FRMPD4: variants seen among roughly 807,000 people sequenced by gnomAD.
FRMPD4 encodes the protein FERM and PDZ domain containing 4.
In FRMPD4, 22 loss-of-function variants were observed where a neutral mutation model predicts 94.1. That is an observed-to-expected ratio of 0.23 (90% confidence interval 0.17 to 0.33). The LOEUF (loss-of-function observed/expected upper bound fraction) is 0.33, where lower values mean the gene tolerates loss of function less well. Ranked by LOEUF, FRMPD4 falls within the 10% of genes least tolerant of loss-of-function variation. The pLI, the probability that FRMPD4 is intolerant of heterozygous loss-of-function variation, is 1.00. For missense variants in FRMPD4, 1,111 were observed against 1,339.9 expected, an observed-to-expected ratio of 0.83 and a Z score of 2.67; for synonymous variants, 631 against 548.6, an observed-to-expected ratio of 1.15 and a Z score of -2.10.
intron 3 of FRMPD4, among the ~76,000 whole-genome samples, chrX:11,892,284 C>T (rs752858110): frequency 2.4e-4 from 27 of 112,175 alleles, no homozygotes; most frequent in African/African-American, 6.5e-4. Context: ...TATCTATAGG[C>T]GGCTTTCATG....
intron 3 of FRMPD4, among the ~76,000 whole-genome samples, chrX:12,611,287 A>G (rs1352190392): frequency 1.8e-5 from 2 of 112,249 alleles, no homozygotes; most frequent in Non-Finnish European, 1.9e-5. Context: ...CCCTTTCTTC[A>G]TAGGATTTTG....
chrX:12,592,713 C>T (rs192329809), intron 2 of FRMPD4, among the ~76,000 whole-genome samples: 2 of 111,841 alleles, frequency 1.8e-5, no homozygotes, highest in Non-Finnish European at 3.8e-5. Context: ...ATAACCATTA[C>T]GATGTCTTTC....
chrX:12,363,812 G>A (rs772089103), intron 1 of FRMPD4, among the ~76,000 whole-genome samples: 2 of 111,646 alleles, frequency 1.8e-5, no homozygotes, highest in Admixed American at 9.5e-5. Flanking sequence ...TAGGGAGTGC[G>A]GTGACAAGTT....
intron 1 of FRMPD4, among the ~76,000 whole-genome samples, chrX:12,342,222 A>G (rs1014105050): frequency 9.8e-5 from 11 of 112,383 alleles, no homozygotes; most frequent in African/African-American, 3.2e-4. Context: ...TCCATAATCT[A>G]AAAGAGGAAG....
intron 1 of FRMPD4, among the ~76,000 whole-genome samples, chrX:12,436,690 A>C (rs533767035): frequency 3.6e-5 from 4 of 111,497 alleles, no homozygotes; most frequent in South Asian, 3.8e-4. Context: ...TTTAGTTTTC[A>C]AATATTTGAT....
At chrX:12,315,793 A>G (rs1348181070) in intron 1 of FRMPD4, among the ~76,000 whole-genome samples, 1 of 111,878 alleles carries the variant, frequency 8.9e-6, no homozygotes, top group Non-Finnish European at 1.9e-5. Context: ...CTAAATCTAA[A>G]GGAGTGGTTC....
At chrX:11,827,087 A>ATATATATATATATATATATATAT (rs58743575) in intron 1 of FRMPD4, among the ~76,000 whole-genome samples, 2 of 83,278 alleles carry the variant, frequency 2.4e-5, no homozygotes, top group East Asian at 4.0e-4. Flanking sequence ...TATATATATA[A>ATATATATATATATATATATATAT]AATATATATG....
intron 1 of FRMPD4, among the ~76,000 whole-genome samples, chrX:12,148,084 C>A (rs1336760695): frequency 8.9e-6 from 1 of 111,858 alleles, no homozygotes; most frequent in African/African-American, 3.3e-5. Flanking sequence ...CCTACAGTAG[C>A]CTGCAAGTGT....
chrX:12,311,289 T>G (rs2055027196), intron 1 of FRMPD4, among the ~76,000 whole-genome samples: 1 of 112,329 alleles, frequency 8.9e-6, no homozygotes, highest in South Asian at 3.7e-4. Context: ...CATGAATTGT[T>G]AGCTATCAAA....
At chrX:12,668,322 A>G (rs1047518445) in intron 4 of FRMPD4, among the ~76,000 whole-genome samples, 1 of 111,519 alleles carries the variant, frequency 9.0e-6, no homozygotes, top group African/African-American at 3.3e-5. Context: ...GAAGAAAAGC[A>G]TGTCCCTAGT....
At chrX:12,238,591 C>A (rs2057097637) in intron 1 of FRMPD4, among the ~76,000 whole-genome samples, 1 of 112,181 alleles carries the variant, frequency 8.9e-6, no homozygotes. Flanking sequence ...AAAATGTATA[C>A]TCATTATTTA....
intron 2 of FRMPD4, among the ~76,000 whole-genome samples, chrX:12,605,882 C>A (rs1395259551): frequency 1.8e-5 from 2 of 111,876 alleles, no homozygotes; most frequent in Non-Finnish European, 3.8e-5. Flanking sequence ...GCTCTTCCAT[C>A]TATTTTACTA....
At chrX:12,511,657 A>G (rs56031937) in intron 2 of FRMPD4, among the ~76,000 whole-genome samples, 15,739 of 111,244 alleles carry the variant, frequency 0.14, 901 homozygotes, top group Middle Eastern at 0.19. Flanking sequence ...ACTTACGGAC[A>G]CTGACAGGTA....
At chrX:12,425,182 G>A (rs2056931411) in intron 1 of FRMPD4, among the ~76,000 whole-genome samples, 1 of 111,689 alleles carries the variant, frequency 9.0e-6, no homozygotes, top group African/African-American at 3.3e-5. Context: ...CCTTTATTTT[G>A]TTAGGCCACA....
chrX:12,072,276 G>T (rs182122600), intron 3 of FRMPD4, among the ~76,000 whole-genome samples: 1 of 111,765 alleles, frequency 8.9e-6, no homozygotes, highest in African/African-American at 3.3e-5. Flanking sequence ...TTAATTCATC[G>T]TGTCTGGGAA....
intron 2 of FRMPD4, among the ~76,000 whole-genome samples, chrX:12,522,995 C>A (rs1461247258): frequency 8.9e-6 from 1 of 112,173 alleles, no homozygotes; most frequent in Non-Finnish European, 1.9e-5. Flanking sequence ...TAAGGAGGAA[C>A]CTCTGACTCT....
chrX:11,846,906 T>G (rs1208943935), intron 1 of FRMPD4, among the ~76,000 whole-genome samples: 3 of 109,251 alleles, frequency 2.7e-5, no homozygotes, highest in Non-Finnish European at 1.9e-5. Context: ...ACTTAAACGT[T>G]AGACCTAAAA....
intron 4 of FRMPD4, among the ~76,000 whole-genome samples, chrX:12,643,174 G>C (rs1253104176): frequency 1.8e-5 from 2 of 108,131 alleles, no homozygotes; most frequent in African/African-American, 6.7e-5. Context: ...ATCTCACTCT[G>C]TTGCCCAGGC....
At chrX:12,668,135 T>C (rs1290375224) in intron 4 of FRMPD4, among the ~76,000 whole-genome samples, 1 of 111,939 alleles carries the variant, frequency 8.9e-6, no homozygotes, top group Non-Finnish European at 1.9e-5. Flanking sequence ...AATCATTCTG[T>C]TGAGGCTATT....
Sources: gnomAD v4.1 joint callset for allele counts (sites outside exome capture counted in the v4.1 genomes callset) on GRCh38, gnomAD v4.1.1 for gene constraint, MANE v1.5 for transcripts, NCBI Gene and HGNC (gene_info 2026-07-23, HGNC 2026-07-21) for gene names.